The following ST3GAL4 variants were observed in gnomAD, a reference collection of about 807,000 sequenced individuals.
The protein encoded by ST3GAL4 is CMP-N-acetylneuraminate-beta-galactosamide-alpha-2,3-sialyltransferase 4.
In ST3GAL4, 24 loss-of-function variants were observed where a neutral mutation model predicts 42.6. The observed-to-expected ratio is 0.56, with a 90% confidence interval of 0.41 to 0.79. The LOEUF (loss-of-function observed/expected upper bound fraction) is 0.79. ST3GAL4 is among the 30% of genes least tolerant of loss of function. ST3GAL4 has a pLI of 0.00. For missense variants in ST3GAL4, 311 were observed against 430.8 expected, an observed-to-expected ratio of 0.72 and a Z score of 2.46; for synonymous variants, 135 against 163.2, an observed-to-expected ratio of 0.83 and a Z score of 1.32.
chr11:126,388,767 C>CTTTTTTTTTTTTTTTTTTTT (rs10683946), intron 1 of ST3GAL4, among the ~76,000 whole-genome samples: 1 of 52,056 alleles, frequency 1.9e-5, no homozygotes, highest in East Asian at 5.9e-4. Flanking sequence ...TTTTCAGTGT[C>CTTTTTTTTTTTTTTTTTTTT]TTTTTTTTTT....
chr11:126,381,315 C>A (rs1431660889), intron 1 of ST3GAL4, among the ~76,000 whole-genome samples: 2 of 152,178 alleles, frequency 1.3e-5, no homozygotes, highest in Non-Finnish European at 1.5e-5. Context: ...GGAGTCCCAA[C>A]CCTGCAGGAT....
intron 1 of ST3GAL4, among the ~76,000 whole-genome samples, chr11:126,361,653 G>T (rs2135375023): frequency 6.6e-6 from 1 of 152,158 alleles, no homozygotes; most frequent in South Asian, 2.1e-4. Flanking sequence ...CCTGTGACAG[G>T]GAGGGAACCC....
At chr11:126,369,379 C>G (rs1952554718) in intron 1 of ST3GAL4, among the ~76,000 whole-genome samples, 2 of 152,048 alleles carry the variant, frequency 1.3e-5, no homozygotes, top group Non-Finnish European at 2.9e-5. Context: ...TCCCGAGTAG[C>G]TGGGATTACA....
intron 1 of ST3GAL4, among the ~76,000 whole-genome samples, chr11:126,365,810 G>C (rs1220432376): frequency 1.3e-5 from 2 of 152,206 alleles, no homozygotes; most frequent in Non-Finnish European, 2.9e-5. Flanking sequence ...CACAGGTGCA[G>C]AGAGGCTGAG....
chr11:126,390,046 G>A (rs928131742), intron 1 of ST3GAL4, among the ~76,000 whole-genome samples: 7 of 135,154 alleles, frequency 5.2e-5, no homozygotes, highest in African/African-American at 8.3e-5. Context: ...AGCTGGGCGC[G>A]GTGGGGGGCG....
At position 126,406,020 on chromosome 11, in the gene ST3GAL4, T is replaced by C; in HGVS notation, c.-60-76T>C. The C allele has an allele frequency of 1.3e-6, 2 of 1,499,772 alleles. No individual in the cohort carries two copies. The highest frequency in any genetic ancestry group is 2.5e-5 in the East Asian group (1 of 40,454). The allele number at this position is 1,499,772 out of a possible 1,614,324, so 92.9% of individuals were successfully genotyped here. ...TCTGGTGGAAGGGAGGGGCAGACAGTGGGTGTGTCCTGCTCCAGTGTCTAG... is the reference window on the plus strand; with the variant it reads ...TCTGGTGGAAGGGAGGGGCAGACAGCGGGTGTGTCCTGCTCCAGTGTCTAG... On this transcript the variant is annotated intron_variant, in intron 1 of 10. Transcript: ENST00000444328. The surrounding 1 kb of genome is among the most constrained non-coding windows in gnomAD (Gnocchi z 5.4).
chr11:126,371,946 C>T (rs1222998423), intron 1 of ST3GAL4, among the ~76,000 whole-genome samples: 4 of 148,568 alleles, frequency 2.7e-5, no homozygotes, highest in African/African-American at 5.0e-5. Context: ...ACTAGTGAGC[C>T]TGAGCATCTT....
chr11:126,413,192 G>A (rs1459409245), intron 9 of ST3GAL4, among the ~76,000 whole-genome samples: 1 of 152,170 alleles, frequency 6.6e-6, no homozygotes, highest in African/African-American at 2.4e-5. Context: ...GACAGCCCAG[G>A]AGTCCTGGGC....
Position 126,379,569 on chromosome 11 carries a change from C to T in ST3GAL4, c.-61+23727C>T, listed in dbSNP as rs762687600. On this transcript the variant is annotated intron_variant, in intron 1 of 10. Transcript: ENST00000444328. The surrounding 1 kb of genome is among the most constrained non-coding windows in gnomAD (Gnocchi z 4.2). The stretch of plus-strand genomic sequence containing the variant: ...CTTGGCTCACTGCAACCTCCACCTC[C>T]CGGGTTCAAGTAATTCTCCTGCCTC... Among the ~76,000 whole-genome samples the T allele has an allele frequency of 6.6e-6, 1 of 152,116 alleles. No homozygotes were observed. The highest frequency in any genetic ancestry group is 1.5e-5 in the Non-Finnish European group (1 of 68,028).
intron 1 of ST3GAL4, among the ~76,000 whole-genome samples, chr11:126,382,804 T>C (rs373376618): frequency 6.6e-6 from 1 of 152,232 alleles, no homozygotes; most frequent in African/African-American, 2.4e-5. Flanking sequence ...TCACCAGGCC[T>C]TGACAGGCGG....
At position 126,410,348 on chromosome 11, in the gene ST3GAL4, T is replaced by C. The variant is rs575916903; in HGVS notation, c.771+937T>C. ...GTAGCTTCCCAAGTACTTCCACCCATATCTTGGAGCCCCTCGGGGAGGCCG... is the reference window on the plus strand; with the variant it reads ...GTAGCTTCCCAAGTACTTCCACCCACATCTTGGAGCCCCTCGGGGAGGCCG... On this transcript the variant is annotated intron_variant, in intron 9 of 10. Transcript: ENST00000444328. The surrounding 1 kb of genome is among the most constrained non-coding windows in gnomAD (Gnocchi z 5.3). 6.6e-6 allele frequency among the ~76,000 whole-genome samples: 1 copy of C among 152,320 alleles called. No homozygotes were observed. The highest frequency in any genetic ancestry group is 1.9e-4 in the East Asian group (1 of 5,186).
chr11:126,397,087 CAG>C lies in ST3GAL4; in HGVS notation c.-60-9005_-60-9004del, dbSNP rs1953808812. On this transcript the variant is annotated intron_variant, in intron 1 of 10. Coordinates refer to ENST00000444328, the MANE Select transcript of ST3GAL4 (RefSeq NM_001254757.2). This position sits in a 1 kb window ranked among gnomAD's most constrained non-coding sequence, Gnocchi z 5.0. ...CTCTGGCCCCTCCAAGTCAGTGGTGCAGAGATTGAGAGATCCTGGTTTCGCGT... is the reference window on the plus strand; with the variant it reads ...CTCTGGCCCCTCCAAGTCAGTGGTGCAGATTGAGAGATCCTGGTTTCGCGT... 6.6e-6 allele frequency among the ~76,000 whole-genome samples: 1 copy of C among 152,064 alleles called. No homozygotes were observed. Among genetic ancestry groups the C allele is most frequent in the Non-Finnish European group, 1.5e-5 (1 of 68,030 alleles).
intron 1 of ST3GAL4, among the ~76,000 whole-genome samples, chr11:126,390,524 A>G (rs1475427992): frequency 6.6e-6 from 1 of 150,802 alleles, no homozygotes; most frequent in African/African-American, 2.4e-5. Flanking sequence ...TGGTTTTAAT[A>G]TGTATTCCCT....
At chr11:126,365,982 G>A (rs1393843508) in intron 1 of ST3GAL4, among the ~76,000 whole-genome samples, 1 of 152,214 alleles carries the variant, frequency 6.6e-6, no homozygotes, top group Non-Finnish European at 1.5e-5. Context: ...TCATAGGCGT[G>A]GCTGGGTCTC....
At chr11:126,356,426 G>A (rs1054938087) in intron 1 of ST3GAL4, 2 of 152,652 alleles carry the variant, frequency 1.3e-5, no homozygotes, top group Non-Finnish European at 2.9e-5. Flanking sequence ...GGATGCGATG[G>A]GGGGAGTGGG....
In ST3GAL4 at chr11:126,363,660, G is replaced by T. The variant is rs1284141977; in HGVS notation, c.-61+7818G>T. On this transcript the variant is annotated intron_variant, in intron 1 of 10. Coordinates refer to ENST00000444328, the MANE Select transcript of ST3GAL4 (RefSeq NM_001254757.2). This position sits in a 1 kb window ranked among gnomAD's most constrained non-coding sequence, Gnocchi z 4.6. Reference sequence around the variant, plus strand: ...TTCCTGCAAAGGACGGTGGGATCTTGTCTTTCTGGGGCCTCAGGGTCTCCA... The same window carrying T: ...TTCCTGCAAAGGACGGTGGGATCTTTTCTTTCTGGGGCCTCAGGGTCTCCA... Among the ~76,000 whole-genome samples the T allele has an allele frequency of 1.3e-5, 2 of 152,214 alleles. No homozygotes were observed. The highest frequency in any genetic ancestry group is 2.9e-5 in the Non-Finnish European group (2 of 68,032).
Position 126,359,705 on chromosome 11 carries a change from C to T in ST3GAL4, c.-61+3863C>T, listed in dbSNP as rs994809322. 1.2e-4 allele frequency among the ~76,000 whole-genome samples: 19 copies of T among 152,098 alleles called. No individual in the cohort carries two copies. The highest frequency in any genetic ancestry group is 1.1e-3 in the Admixed American group (17 of 15,280). On this transcript the variant is annotated intron_variant, in intron 1 of 10. Coordinates refer to ENST00000444328, the MANE Select transcript of ST3GAL4 (RefSeq NM_001254757.2). The surrounding 1 kb of genome is among the most constrained non-coding windows in gnomAD (Gnocchi z 4.8). ...TGTCCGCTTTCTCAGCTGGGCGGGG[C>T]GGGGCAGGACAAGGTTCTTCTCCCT...
At position 126,406,352 on chromosome 11, in the gene ST3GAL4, C is replaced by A; in HGVS notation, c.17-121C>A. On this transcript the variant is annotated intron_variant, in intron 2 of 10. Coordinates refer to ENST00000444328, the MANE Select transcript of ST3GAL4 (RefSeq NM_001254757.2). This position sits in a 1 kb window ranked among gnomAD's most constrained non-coding sequence, Gnocchi z 5.4. ...GCCCTCAGCCAGGGCCAGGAGAGGG[C>A]CAGAGACTGCTTCTGTTGAGTTAGG... 6.4e-7 allele frequency: 1 copy of A among 1,558,750 alleles called. No individual in the cohort carries two copies. Among genetic ancestry groups the A allele is most frequent in the South Asian group, 1.2e-5 (1 of 84,578 alleles).
At position 126,359,885 on chromosome 11, in the gene ST3GAL4, C is replaced by T. The variant is rs1426925481; in HGVS notation, c.-61+4043C>T. Among the ~76,000 whole-genome samples, 1 of 152,250 alleles carries T rather than the reference C, an allele frequency of 6.6e-6. No individual in the cohort carries two copies. ...AATGTGGCTGCCGCCCACATGGCTG[C>T]AAGGCAACCACGGCCACACGTGGGG... On this transcript the variant is annotated intron_variant, in intron 1 of 10. Coordinates refer to ENST00000444328, the MANE Select transcript of ST3GAL4 (RefSeq NM_001254757.2). The surrounding 1 kb of genome is among the most constrained non-coding windows in gnomAD (Gnocchi z 4.8).
Sources: allele counts gnomAD v4.1 joint callset (sites outside exome capture counted in the v4.1 genomes callset), GRCh38; gene constraint gnomAD v4.1.1; non-coding constraint Gnocchi (gnomAD v3.1); transcripts MANE v1.5; gene names NCBI Gene and HGNC (gene_info 2026-07-23, HGNC 2026-07-21).